The following RALYL variants were observed in gnomAD, a reference collection of about 807,000 sequenced individuals.
RALYL encodes the protein RNA-binding Raly-like protein.
A neutral mutation model predicts 35.1 loss-of-function variants in RALYL; 29 were observed. That is an observed-to-expected ratio of 0.83 (90% CI 0.61 to 1.13). The LOEUF (loss-of-function observed/expected upper bound fraction) is 1.13. RALYL is among the 50% of genes most tolerant of loss of function. RALYL has a pLI of 0.00. For synonymous variants in RALYL, 120 were observed against 127.6 expected (o/e 0.94, Z 0.40); for missense variants, 359 against 360.4 (o/e 1.00, Z 0.03).
chr8:84,244,109 A>G (rs1828578201), intron 1 of RALYL, among the ~76,000 whole-genome samples: 2 of 152,132 alleles, frequency 1.3e-5, no homozygotes, highest in Admixed American at 1.3e-4. Flanking sequence ...TCAATTAAAT[A>G]GAAGCAACTA....
In RALYL at chr8:84,349,933, A is replaced by G; in HGVS notation, c.-24+165509A>G. ...CTGCTGTCACCAAGTATATCCAGAC[A>G]CCACTGCACAACTCCCAATCCCCCA... On this transcript the variant is annotated intron_variant, in intron 1 of 8. Transcript: ENST00000521268. Among the ~76,000 whole-genome samples the G allele has an allele frequency of 1.3e-5, 2 of 150,286 alleles. 1 individual carries two copies. Among genetic ancestry groups the G allele is most frequent in the Non-Finnish European group, 3.0e-5 (2 of 67,720 alleles).
intron 2 of RALYL, chr8:84,679,345 C>T: frequency 3.7e-6 from 1 of 267,188 alleles, no homozygotes; most frequent in Non-Finnish European, 7.5e-6. Context: ...CAGATTGAGA[C>T]ATTGTAAGTA....
intron 1 of RALYL, among the ~76,000 whole-genome samples, chr8:84,191,437 A>C (rs1382377486): frequency 6.6e-6 from 1 of 152,188 alleles, no homozygotes; most frequent in African/African-American, 2.4e-5. Context: ...TCTTTCAGGA[A>C]GCAATGAGCC....
chr8:84,921,028 C>A lies in RALYL; in HGVS notation c.*117C>A. On this transcript the variant is annotated 3_prime_UTR_variant, in exon 9 of 9. Coordinates refer to ENST00000521268, the MANE Select transcript of RALYL (RefSeq NM_173848.7). ...TCTTTGGTTCAATTTATATAAAAAC[C>A]CAAATAAATAAAATGGACAGTATTG... is the stretch of plus-strand genomic sequence containing the variant. The A allele has an allele frequency of 1.8e-6, 1 of 542,230 alleles. No homozygotes were observed. The allele number at this position is 542,230 out of a possible 1,614,324, so 33.6% of individuals were successfully genotyped here.
chr8:84,739,656 T>C (rs1460907795), intron 2 of RALYL, among the ~76,000 whole-genome samples: 2 of 151,822 alleles, frequency 1.3e-5, no homozygotes, highest in Admixed American at 1.3e-4. Context: ...AGAAAAGTCA[T>C]GAAGACAATA....
chr8:84,535,168 C>T (rs188534928), intron 2 of RALYL, among the ~76,000 whole-genome samples: 28 of 152,214 alleles, frequency 1.8e-4, no homozygotes, highest in African/African-American at 6.3e-4. Flanking sequence ...TTAGTATTTA[C>T]GCCCATTCTG....
intron 2 of RALYL, among the ~76,000 whole-genome samples, chr8:84,749,155 A>G (rs987616646): frequency 6.6e-6 from 1 of 152,174 alleles, no homozygotes; most frequent in Admixed American, 6.6e-5. Flanking sequence ...CAGACACAGG[A>G]ATCCTTTGAT....
chr8:84,264,947 A>C (rs1215701947), intron 1 of RALYL, among the ~76,000 whole-genome samples: 4 of 152,104 alleles, frequency 2.6e-5, no homozygotes, highest in Non-Finnish European at 4.4e-5. Context: ...ATATGATCTC[A>C]AGTTGTTAGA....
At chr8:84,269,301 G>C (rs910330227) in intron 1 of RALYL, among the ~76,000 whole-genome samples, 1 of 152,110 alleles carries the variant, frequency 6.6e-6, no homozygotes, top group African/African-American at 2.4e-5. Flanking sequence ...TAGTGCCATG[G>C]CACACTGAAT....
intron 2 of RALYL, among the ~76,000 whole-genome samples, chr8:84,702,870 T>C (rs1339238866): frequency 6.6e-6 from 1 of 152,146 alleles, no homozygotes; most frequent in Non-Finnish European, 1.5e-5. Flanking sequence ...AAGATTCAAT[T>C]TAAGTAAAAG....
chr8:84,433,698 G>A (rs1231727006), intron 1 of RALYL, among the ~76,000 whole-genome samples: 2 of 151,822 alleles, frequency 1.3e-5, no homozygotes, highest in Non-Finnish European at 2.9e-5. Flanking sequence ...TGATTCTGAG[G>A]CCTCCCCAGC....
At chr8:84,247,331 T>C (rs1248969748) in intron 1 of RALYL, among the ~76,000 whole-genome samples, 1 of 152,144 alleles carries the variant, frequency 6.6e-6, no homozygotes, top group Non-Finnish European at 1.5e-5. Context: ...TTCTGTGATG[T>C]CTTAAACCCT....
At chr8:84,680,504 G>C (rs960186983) in intron 2 of RALYL, among the ~76,000 whole-genome samples, 5 of 152,120 alleles carry the variant, frequency 3.3e-5, no homozygotes, top group South Asian at 4.1e-4. Flanking sequence ...ATCCTCTCCA[G>C]CACCTGTTGT....
chr8:84,516,979 T>A (rs2058115812), intron 1 of RALYL, among the ~76,000 whole-genome samples: 1 of 152,212 alleles, frequency 6.6e-6, no homozygotes, highest in Non-Finnish European at 1.5e-5. Context: ...CTGCATAGAA[T>A]TGGCCAATCT....
intron 1 of RALYL, among the ~76,000 whole-genome samples, chr8:84,196,860 T>A (rs1261366702): frequency 6.6e-6 from 1 of 152,234 alleles, no homozygotes; most frequent in Admixed American, 6.5e-5. Flanking sequence ...TCCCATTGAC[T>A]AAGAAATATT....
intron 3 of RALYL, among the ~76,000 whole-genome samples, chr8:84,793,398 A>G (rs778247756): frequency 6.6e-6 from 1 of 152,214 alleles, no homozygotes. Flanking sequence ...CTGCTCTTCA[A>G]AGTTCATGTT....
chr8:84,383,515 G>A (rs1270854938), intron 1 of RALYL, among the ~76,000 whole-genome samples: 1 of 151,520 alleles, frequency 6.6e-6, no homozygotes. Context: ...GAAATTTTGT[G>A]TTATTTTATC....
chr8:84,763,458 A>G (rs1431477745), intron 2 of RALYL, among the ~76,000 whole-genome samples: 1 of 152,186 alleles, frequency 6.6e-6, no homozygotes, highest in East Asian at 1.9e-4. Context: ...TATATAGCTG[A>G]GATTTTTCAC....
chr8:84,620,657 G>T (rs200273678), intron 2 of RALYL, among the ~76,000 whole-genome samples: 1 of 152,100 alleles, frequency 6.6e-6, no homozygotes. Flanking sequence ...TCCTTTGGAG[G>T]AGGAGAGGCA....
Sources: gnomAD v4.1 joint callset for allele counts (sites outside exome capture counted in the v4.1 genomes callset) on GRCh38, gnomAD v4.1.1 for gene constraint, MANE v1.5 for transcripts, NCBI Gene and HGNC (gene_info 2026-07-23, HGNC 2026-07-21) for gene names.